TMEM132D: variants seen among roughly 807,000 people sequenced by gnomAD.
TMEM132D encodes the protein transmembrane protein 132D.
Under a neutral mutation model 62.3 loss-of-function variants are expected in TMEM132D, and 21 were observed. That is an observed-to-expected ratio of 0.34 (90% CI 0.24 to 0.49). The LOEUF (loss-of-function observed/expected upper bound fraction) is 0.49, where lower values mean the gene tolerates loss of function less well. Among genes scored for constraint, TMEM132D ranks in the 20% least tolerant of loss-of-function variants. TMEM132D has a pLI of 0.99. For missense variants in TMEM132D, 1,346 were observed against 1,402.8 expected, an observed-to-expected ratio of 0.96 and a Z score of 0.65; for synonymous variants, 621 against 575.6, an observed-to-expected ratio of 1.08 and a Z score of -1.13.
At chr12:129,218,538 A>G (rs1342678918) in intron 4 of TMEM132D, among the ~76,000 whole-genome samples, 1 of 152,234 alleles carries the variant, frequency 6.6e-6, no homozygotes, top group Non-Finnish European at 1.5e-5. Context: ...AAAACTGAGA[A>G]TAAAAATACA....
At chr12:129,086,201 C>CGTGTGT (rs1218792744) in intron 5 of TMEM132D, among the ~76,000 whole-genome samples, 30,572 of 140,664 alleles carry the variant, frequency 0.22, 3,161 homozygotes, top group African/African-American at 0.25. Flanking sequence ...CACGCGCGCG[C>CGTGTGT]GTGTGTGTGT....
chr12:129,285,081 T>G (rs929611935), intron 4 of TMEM132D, among the ~76,000 whole-genome samples: 1 of 152,208 alleles, frequency 6.6e-6, no homozygotes, highest in Non-Finnish European at 1.5e-5. Flanking sequence ...ATAAATTATA[T>G]TTACAAAAGC....
chr12:129,360,655 G>T (rs1870216239), intron 3 of TMEM132D, among the ~76,000 whole-genome samples: 1 of 152,124 alleles, frequency 6.6e-6, no homozygotes, highest in Non-Finnish European at 1.5e-5. Flanking sequence ...ACTCTGGCCG[G>T]GGATGCTGAG....
chr12:129,800,762 G>A (rs1268134668), intron 1 of TMEM132D, among the ~76,000 whole-genome samples: 4 of 152,122 alleles, frequency 2.6e-5, no homozygotes, highest in African/African-American at 4.8e-5. Flanking sequence ...CAGCGAGAGC[G>A]ACGCAGAAGA....
In TMEM132D at chr12:129,477,865, CAGAGAGAGAG is replaced by C. The variant is rs368466852; in HGVS notation, c.1115+53184_1115+53193del. Among the ~76,000 whole-genome samples, 629 of 149,698 alleles carry C rather than the reference CAGAGAGAGAG, an allele frequency of 4.2e-3. 2 individuals are homozygous for C. The highest frequency in any genetic ancestry group is 0.013 in the African/African-American group (531 of 41,008). On this transcript the variant is annotated intron_variant, in intron 3 of 8. Transcript: ENST00000422113. The stretch of plus-strand genomic sequence containing the variant: ...ATAGACACATACACACACACATATA[CAGAGAGAGAG>C]AGAGAGACAGAGAGAGAGAGTCATG...
chr12:129,577,730 CTA>C (rs1225677390), intron 2 of TMEM132D, among the ~76,000 whole-genome samples: 8 of 152,118 alleles, frequency 5.3e-5, no homozygotes, highest in African/African-American at 1.2e-4. Flanking sequence ...AAAATTTCCA[CTA>C]TGTTTATTTT....
intron 1 of TMEM132D, among the ~76,000 whole-genome samples, chr12:129,829,086 A>C (rs1167114546): frequency 6.6e-6 from 1 of 152,066 alleles, no homozygotes; most frequent in Non-Finnish European, 1.5e-5. Context: ...TGAGACAAAC[A>C]AGCCCAAAGA....
intron 2 of TMEM132D, among the ~76,000 whole-genome samples, chr12:129,650,534 T>C (rs1879899869): frequency 6.6e-6 from 1 of 152,222 alleles, no homozygotes; most frequent in Non-Finnish European, 1.5e-5. Flanking sequence ...CAATGCCAAA[T>C]CACTTTCAAA....
intron 1 of TMEM132D, among the ~76,000 whole-genome samples, chr12:129,807,684 T>A (rs1169499334): frequency 6.6e-6 from 1 of 152,184 alleles, no homozygotes; most frequent in African/African-American, 2.4e-5. Flanking sequence ...CTGAAAGCAA[T>A]TCAGGTGTGA....
intron 1 of TMEM132D, among the ~76,000 whole-genome samples, chr12:129,737,563 T>A (rs1869468214): frequency 6.6e-6 from 1 of 152,080 alleles, no homozygotes; most frequent in African/African-American, 2.4e-5. Context: ...GTCCACACCA[T>A]TCCCTATTGT....
At chr12:129,215,375 G>C (rs1480024483) in intron 4 of TMEM132D, among the ~76,000 whole-genome samples, 1 of 152,130 alleles carries the variant, frequency 6.6e-6, no homozygotes, top group Non-Finnish European at 1.5e-5. Flanking sequence ...AACAACCAAT[G>C]GGTAGTAGGC....
chr12:129,699,589 T>G (rs769953586), intron 2 of TMEM132D, among the ~76,000 whole-genome samples: 2 of 152,224 alleles, frequency 1.3e-5, no homozygotes, highest in East Asian at 3.8e-4. Flanking sequence ...GCCCTATCAA[T>G]GGCTTGGAAA....
At chr12:129,255,881 A>T (rs1375073821) in intron 4 of TMEM132D, among the ~76,000 whole-genome samples, 3 of 152,210 alleles carry the variant, frequency 2.0e-5, no homozygotes, top group Non-Finnish European at 4.4e-5. Context: ...ATTGAGGTAA[A>T]CACTATTCAA....
At chr12:129,094,721 A>G (rs559131596) in intron 5 of TMEM132D, among the ~76,000 whole-genome samples, 1 of 152,344 alleles carries the variant, frequency 6.6e-6, no homozygotes, top group Non-Finnish European at 1.5e-5. Context: ...TGCTATAAAG[A>G]CACATGCATA....
At chr12:129,388,944 A>G (rs1445533368) in intron 3 of TMEM132D, among the ~76,000 whole-genome samples, 2 of 133,858 alleles carry the variant, frequency 1.5e-5, no homozygotes, top group Middle Eastern at 3.8e-3. Context: ...ACACCAATCC[A>G]GCACTGATGA....
intron 2 of TMEM132D, among the ~76,000 whole-genome samples, chr12:129,571,366 C>T (rs1271279310): frequency 6.6e-6 from 1 of 152,108 alleles, no homozygotes; most frequent in Non-Finnish European, 1.5e-5. Flanking sequence ...TAGTTCAAGA[C>T]CAGCCTGGCC....
chr12:129,380,540 G>A (rs562524878), intron 3 of TMEM132D, among the ~76,000 whole-genome samples: 16 of 147,532 alleles, frequency 1.1e-4, no homozygotes, highest in South Asian at 4.4e-4. Context: ...TAGATTTCTC[G>A]GTTTTACTTG....
intron 1 of TMEM132D, among the ~76,000 whole-genome samples, chr12:129,811,151 A>C (rs6486507): frequency 0.95 from 143,865 of 151,750 alleles, 68,446 homozygotes; most frequent in Non-Finnish European, 0.98. Context: ...AATGTTTAGA[A>C]CTCACCGAAG....
chr12:129,356,282 A>G lies in TMEM132D; in HGVS notation c.1116-18465T>C, dbSNP rs1439211284. Among the ~76,000 whole-genome samples, 39 of 62,378 alleles carry G rather than the reference A, an allele frequency of 6.3e-4. 8 individuals carry two copies. Among genetic ancestry groups the G allele is most frequent in the South Asian group, 4.7e-3 (8 of 1,696 alleles). The allele number at this position is 62,378 out of a possible 152,430, so 40.9% of individuals were successfully genotyped here. A position where few individuals can be genotyped will look rare whatever the true frequency, so the allele number is the denominator to read the frequency against. On this transcript the variant is annotated intron_variant, in intron 3 of 8. Transcript: ENST00000422113. The stretch of plus-strand genomic sequence containing the variant: ...CGCCATTCTCCTGCCTCAGCCTCCC[A>G]AGTAGCTGGGACTACAGGCGCCCGC...
Sources: allele counts gnomAD v4.1 joint callset (sites outside exome capture counted in the v4.1 genomes callset), GRCh38; gene constraint gnomAD v4.1.1; transcripts MANE v1.5; gene names NCBI Gene and HGNC (gene_info 2026-07-23, HGNC 2026-07-21).